Variants in TTC33 observed in about 807,000 individuals in gnomAD.
TTC33 encodes the protein tetratricopeptide repeat domain 33, also known as tetratricopeptide repeat protein 33.
TTC33 carries 24 observed loss-of-function variants against 29.4 expected under a neutral mutation model. The ratio of observed to expected loss-of-function variants is 0.82; its 90% CI spans 0.59 to 1.15. The LOEUF (loss-of-function observed/expected upper bound fraction) is 1.15, where lower values mean the gene tolerates loss of function less well. Ranked by LOEUF, TTC33 falls within the 50% of genes most tolerant of loss-of-function variation. The probability of loss-of-function intolerance (pLI) is 0.00; values close to 1 mark genes in which losing one functional copy is unlikely to be tolerated. For synonymous variants in TTC33, 107 were observed against 100.3 expected, an observed-to-expected ratio of 1.07 and a Z score of -0.40; for missense variants, 286 against 310.4, an observed-to-expected ratio of 0.92 and a Z score of 0.59.
At chr5:40,741,499 C>T (rs1380514412) in intron 2 of TTC33, among the ~76,000 whole-genome samples, 1 of 152,210 alleles carries the variant, frequency 6.6e-6, no homozygotes, top group Non-Finnish European at 1.5e-5. Context: ...TCAACAAAGA[C>T]TCAAAGGGAC....
chr5:40,740,899 T>A (rs183372501), intron 2 of TTC33, among the ~76,000 whole-genome samples: 29 of 152,368 alleles, frequency 1.9e-4, no homozygotes, highest in Admixed American at 9.2e-4. Flanking sequence ...TATTTTTTAT[T>A]TCAGATATCG....
At chr5:40,733,379 AT>A (rs1438335372) in intron 2 of TTC33, among the ~76,000 whole-genome samples, 1 of 152,178 alleles carries the variant, frequency 6.6e-6, no homozygotes, top group Non-Finnish European at 1.5e-5. Flanking sequence ...CTATTACTGT[AT>A]CCCAAAATAA....
chr5:40,723,512 T>TA (rs34823449), intron 4 of TTC33, among the ~76,000 whole-genome samples: 17 of 143,748 alleles, frequency 1.2e-4, no homozygotes, highest in South Asian at 4.4e-4. Flanking sequence ...TAACTCAAAT[T>TA]AAAAAAAAAA....
chr5:40,747,996 T>C (rs1397444244), intron 1 of TTC33, among the ~76,000 whole-genome samples: 1 of 151,080 alleles, frequency 6.6e-6, no homozygotes, highest in Non-Finnish European at 1.5e-5. Flanking sequence ...TGGGTAATTT[T>C]TTGTATTTTT....
chr5:40,721,612 T>C (rs948019229), intron 4 of TTC33, among the ~76,000 whole-genome samples: 1 of 151,974 alleles, frequency 6.6e-6, no homozygotes, highest in African/African-American at 2.4e-5. Context: ...CAACTCCAAG[T>C]GCATTAAAGA....
At chr5:40,721,342 T>C (rs1742130165) in intron 4 of TTC33, among the ~76,000 whole-genome samples, 1 of 152,136 alleles carries the variant, frequency 6.6e-6, no homozygotes, top group Non-Finnish European at 1.5e-5. Flanking sequence ...ATCATACTCA[T>C]GAATTTCAAA....
At chr5:40,755,488 G>A (rs1196903195) in intron 1 of TTC33, among the ~76,000 whole-genome samples, 1 of 152,234 alleles carries the variant, frequency 6.6e-6, no homozygotes, top group Non-Finnish European at 1.5e-5. Flanking sequence ...CACCTCTCCA[G>A]CGGGGAGCGG....
chr5:40,746,977 G>A lies in TTC33; in HGVS notation c.42C>T (p.Val14=). The A allele has an allele frequency of 6.2e-7, 1 of 1,613,874 alleles. No homozygotes were observed. Among genetic ancestry groups the A allele is most frequent in the South Asian group, 1.1e-5 (1 of 91,060 alleles). Residue 14 remains valine (V), a synonymous_variant, in exon 2 of 5, where the codon GTC becomes GTT. Transcript: ENST00000337702. ...CAAACTGCTGGGAAGTGACCTTTGA[G>A]ACCTTCTCACCAATTTTCCTCTTCC... is the stretch of plus-strand genomic sequence containing the variant. ...FGWKRKIGEK[V]SKVTSQQFEA...
At chr5:40,724,069 G>C in intron 4 of TTC33, among the ~76,000 whole-genome samples, 1 of 152,164 alleles carries the variant, frequency 6.6e-6, no homozygotes, top group Non-Finnish European at 1.5e-5. Flanking sequence ...AGAGATATTA[G>C]CACTCCCAGG....
intron 1 of TTC33, 122 bp from the exon 2 acceptor site, chr5:40,747,141 C>T (rs763489792): frequency 2.5e-6 from 2 of 797,656 alleles, no homozygotes; most frequent in Non-Finnish European, 3.9e-6. Flanking sequence ...TCACCGTAAC[C>T]TCCGCCTCCC....
intron 3 of TTC33, among the ~76,000 whole-genome samples, chr5:40,729,951 G>A (rs1221494654): frequency 1.3e-5 from 2 of 152,090 alleles, no homozygotes; most frequent in Non-Finnish European, 2.9e-5. Flanking sequence ...CACCCACCTC[G>A]GCCTCCCAAA....
rs572221769 is a variant in TTC33 at position 40,714,507 on chromosome 5, C to CA, written c.*1637dup. 4.1e-4 allele frequency: 63 copies of CA among 152,236 alleles called. No homozygotes were observed. Among genetic ancestry groups the CA allele is most frequent in the African/African-American group, 1.4e-3 (60 of 41,542 alleles). 9.4% of individuals were successfully genotyped at this position (152,236 alleles called of 1,614,324 possible). A position where few individuals can be genotyped will look rare whatever the true frequency, so the allele number is the denominator to read the frequency against. ...AAAAACTATTTATTCACAAATTACACAAAAAACAAACATCCATTACTCAAA... is the reference window on the plus strand; with the variant it reads ...AAAAACTATTTATTCACAAATTACACAAAAAAACAAACATCCATTACTCAAA... On this transcript the variant is annotated 3_prime_UTR_variant, in exon 5 of 5. Transcript: ENST00000337702.
At chr5:40,722,360 G>A (rs1371840224) in intron 4 of TTC33, among the ~76,000 whole-genome samples, 2 of 152,026 alleles carry the variant, frequency 1.3e-5, no homozygotes, top group African/African-American at 2.4e-5. Flanking sequence ...TCTCTGCCTG[G>A]CCGCCCATCG....
chr5:40,750,646 C>G (rs1742878822), intron 1 of TTC33, among the ~76,000 whole-genome samples: 1 of 152,066 alleles, frequency 6.6e-6, no homozygotes, highest in Non-Finnish European at 1.5e-5. Flanking sequence ...AGCATGCAGT[C>G]CTATTTGGTA....
chr5:40,724,910 T>C (rs1479663469), intron 4 of TTC33, among the ~76,000 whole-genome samples: 1 of 150,626 alleles, frequency 6.6e-6, no homozygotes, highest in African/African-American at 2.4e-5. Flanking sequence ...TGGAGTGCAG[T>C]GGTGCGATCT....
At chr5:40,730,773 A>T (rs955406963) in intron 2 of TTC33, among the ~76,000 whole-genome samples, 21 of 152,316 alleles carry the variant, frequency 1.4e-4, no homozygotes, top group African/African-American at 4.8e-4. Context: ...TAAAGTACAA[A>T]ATCCACATGA....
intron 4 of TTC33, among the ~76,000 whole-genome samples, chr5:40,727,284 T>A (rs1742309438): frequency 6.6e-6 from 1 of 152,230 alleles, no homozygotes; most frequent in Non-Finnish European, 1.5e-5. Context: ...AAACCATTTT[T>A]AAAATCTTAA....
Position 40,746,814 on chromosome 5 carries a change from A to T in TTC33, c.205T>A (p.Leu69Met), listed in dbSNP as rs837105. The T allele has an allele frequency of 8.4e-4, 1,360 of 1,611,944 alleles. 21 individuals carry two copies. In the East Asian group the frequency reaches 0.026, roughly 31 times the overall value. ...SKQLKDEGAS[L>M]AENKRYREAI... The stretch of plus-strand genomic sequence containing the variant: ...AATACATACCTTTTATTTTCAGCCA[A>T]ACTGGCTCCTTCATCCTTCAGCTGT... The change falls in exon 2 of 5, where the codon TTG (leucine) becomes ATG (methionine). Residue 69 changes from leucine (L) to methionine (M), a missense_variant. Coordinates refer to ENST00000337702, the MANE Select transcript of TTC33 (RefSeq NM_012382.3).
At chr5:40,734,252 G>T (rs1299263955) in intron 2 of TTC33, among the ~76,000 whole-genome samples, 2 of 152,158 alleles carry the variant, frequency 1.3e-5, no homozygotes, top group Non-Finnish European at 2.9e-5. Flanking sequence ...AGGAAACTTG[G>T]CACTGAACAA....
Sources: allele counts gnomAD v4.1 joint callset (sites outside exome capture counted in the v4.1 genomes callset), GRCh38; gene constraint gnomAD v4.1.1; transcripts MANE v1.5; gene names NCBI Gene and HGNC (gene_info 2026-07-23, HGNC 2026-07-21).